Variants in ERCC1 observed in about 807,000 individuals in gnomAD.
ERCC1 encodes ERCC excision repair 1, endonuclease non-catalytic subunit.
In ERCC1, 36 loss-of-function variants were observed where a neutral mutation model predicts 37.6. The observed-to-expected ratio is 0.96, with a 90% CI of 0.73 to 1.26. ERCC1 has a LOEUF of 1.26. Ranked by LOEUF, ERCC1 falls within the 50% of genes most tolerant of loss-of-function variation. The pLI is 0.00. For synonymous variants in ERCC1, 156 were observed against 162.1 expected (o/e 0.96, Z 0.28); for missense variants, 349 against 376.5 (o/e 0.93, Z 0.60).
intron 6 of ERCC1, chr19:45,415,718 G>A (rs1974031714): frequency 8.8e-6 from 4 of 454,082 alleles, no homozygotes; most frequent in South Asian, 1.6e-5. Context: ...CAACCTGGTA[G>A]TAACCACTGC....
chr19:45,451,546 C>G (rs1337252515), intron 1 of ERCC1, among the ~76,000 whole-genome samples: 1 of 152,168 alleles, frequency 6.6e-6, no homozygotes, highest in East Asian at 1.9e-4. Context: ...GGGAAGCTGT[C>G]CACAGCTGGG....
chr19:45,408,419 G>C lies in ERCC1; in HGVS notation c.*1256C>G. The C allele has an allele frequency of 6.2e-7, 1 of 1,613,652 alleles. No homozygotes were observed. Among genetic ancestry groups the C allele is most frequent in the Non-Finnish European group, 8.5e-7 (1 of 1,179,864 alleles). ...TCCTGGCCTGAGGCCTCGGTTCTGT[G>C]CCTTTGGGGGCAACCCACCAGTCAC... On this transcript the variant is annotated 3_prime_UTR_variant, in exon 10 of 10. Transcript: ENST00000300853.
At chr19:45,417,793 G>A (rs1009051997) in intron 5 of ERCC1, among the ~76,000 whole-genome samples, 1 of 152,032 alleles carries the variant, frequency 6.6e-6, no homozygotes, top group Non-Finnish European at 1.5e-5. Context: ...TCCACCTCCC[G>A]GGTTCAAGCA....
intron 1 of ERCC1, among the ~76,000 whole-genome samples, chr19:45,440,952 A>G (rs1261456683): frequency 6.6e-6 from 1 of 152,140 alleles, no homozygotes; most frequent in Admixed American, 6.6e-5. Flanking sequence ...CGCCTTGTCC[A>G]GGCTGGTCTT....
chr19:45,443,557 C>T (rs555088246), intron 1 of ERCC1, among the ~76,000 whole-genome samples: 48 of 152,316 alleles, frequency 3.2e-4, no homozygotes, highest in African/African-American at 1.1e-3. Context: ...CCGACCCAGG[C>T]GTCTCCCTTG....
chr19:45,428,304 G>A (rs1974752273), upstream of ERCC1, among the ~76,000 whole-genome samples: 1 of 151,206 alleles, frequency 6.6e-6, no homozygotes, highest in Non-Finnish European at 1.5e-5. Flanking sequence ...TCTCACTATA[G>A]CCCAGGCTGG....
At chr19:45,426,959 T>TCAAAAAAAAAAAAAAAAAAAAA, upstream of ERCC1, among the ~76,000 whole-genome samples, 1 of 92,466 alleles carries the variant, frequency 1.1e-5, no homozygotes, top group South Asian at 3.2e-4. Flanking sequence ...AAACTCCATC[T>TCAAAAAAAAAAAAAAAAAAAAA]AAAAAAAAAA....
chr19:45,444,915 A>C (rs745537762), intron 1 of ERCC1, among the ~76,000 whole-genome samples: 5 of 152,210 alleles, frequency 3.3e-5, no homozygotes, highest in Non-Finnish European at 7.3e-5. Flanking sequence ...CGCTTAGCAA[A>C]TCAGGCTGTT....
chr19:45,437,144 G>A (rs1975001647), intron 1 of ERCC1, among the ~76,000 whole-genome samples: 1 of 151,272 alleles, frequency 6.6e-6, no homozygotes, highest in Middle Eastern at 3.4e-3. Context: ...AGCTACTCAG[G>A]AGGCTGAGGG....
At chr19:45,424,926 T>TTC (rs1974638177), upstream of ERCC1, among the ~76,000 whole-genome samples, 1 of 148,594 alleles carries the variant, frequency 6.7e-6, no homozygotes, top group African/African-American at 2.5e-5. Flanking sequence ...TTTTTTCTTT[T>TTC]TTTTTTTTTT....
intron 1 of ERCC1, among the ~76,000 whole-genome samples, chr19:45,434,951 A>T (rs1568597436): frequency 7.0e-6 from 1 of 142,120 alleles, no homozygotes; most frequent in African/African-American, 2.6e-5. Context: ...AATTTTTTGT[A>T]TTTTTTTTTT....
intron 2 of ERCC1, among the ~76,000 whole-genome samples, chr19:45,421,726 C>T (rs368069140): frequency 6.6e-6 from 1 of 151,758 alleles, no homozygotes; most frequent in Non-Finnish European, 1.5e-5. Flanking sequence ...CTCCGCCCCC[C>T]AGGTTCAAGC....
intron 1 of ERCC1, among the ~76,000 whole-genome samples, chr19:45,446,246 A>T (rs1447837401): frequency 6.6e-6 from 1 of 152,042 alleles, no homozygotes; most frequent in Non-Finnish European, 1.5e-5. Flanking sequence ...TGGGGAATAG[A>T]CTTTGGAGGA....
intron 1 of ERCC1, 159 bp from the exon 2 acceptor site, chr19:45,423,540 C>A: frequency 6.9e-7 from 1 of 1,445,948 alleles, no homozygotes; most frequent in Admixed American, 2.6e-5. Flanking sequence ...ACGCCACGCC[C>A]CTTTGACCTC....
intron 9 of ERCC1, 34 bp downstream of exon 9, chr19:45,413,640 TCCC>T: frequency 6.2e-7 from 1 of 1,614,198 alleles, no homozygotes; most frequent in South Asian, 1.1e-5. Flanking sequence ...GCTCTCTCCT[TCCC>T]CCAACTCCTT....
chr19:45,439,266 C>G (rs888785893), intron 1 of ERCC1, among the ~76,000 whole-genome samples: 2 of 152,132 alleles, frequency 1.3e-5, no homozygotes, highest in Non-Finnish European at 2.9e-5. Flanking sequence ...TAGGAAGTGT[C>G]CAAGCTCAAG....
chr19:45,440,532 A>G (rs1215291006), intron 1 of ERCC1, among the ~76,000 whole-genome samples: 1 of 151,952 alleles, frequency 6.6e-6, no homozygotes, highest in Non-Finnish European at 1.5e-5. Context: ...GGAGCATGGG[A>G]CACTTCAGTC....
intron 1 of ERCC1, among the ~76,000 whole-genome samples, chr19:45,450,902 CCCCA>C (rs1568604695): frequency 6.5e-4 from 56 of 86,036 alleles, no homozygotes; most frequent in South Asian, 8.9e-4. Flanking sequence ...CCCCCCCCCC[CCCCA>C]CGCCCGCGCA....
upstream of ERCC1, among the ~76,000 whole-genome samples, chr19:45,427,566 A>T (rs1357926175): frequency 6.6e-6 from 1 of 152,214 alleles, no homozygotes. Flanking sequence ...GTGAGCCGAG[A>T]TTACACCACT....
Sources: allele counts gnomAD v4.1 joint callset (sites outside exome capture counted in the v4.1 genomes callset), GRCh38; gene constraint gnomAD v4.1.1; transcripts MANE v1.5; gene names NCBI Gene and HGNC (gene_info 2026-07-23, HGNC 2026-07-21).